Variants in MMS22L observed in about 807,000 individuals in gnomAD.
The protein encoded by MMS22L is MMS22 like, DNA repair protein, also known as protein MMS22-like.
MMS22L carries 74 observed loss-of-function variants against 159.1 expected under a neutral mutation model. The ratio of observed to expected loss-of-function variants is 0.47; its 90% CI spans 0.39 to 0.56. The LOEUF is 0.56. MMS22L is among the 20% of genes least tolerant of loss of function. The pLI, the probability that MMS22L is intolerant of heterozygous loss-of-function variation, is 0.00. For missense variants in MMS22L, 1,351 were observed against 1,422.1 expected (o/e 0.95, Z 0.80); for synonymous variants, 517 against 506.9 (o/e 1.02, Z -0.27).
chr6:97,167,858 T>C (rs141147420), intron 20 of MMS22L, among the ~76,000 whole-genome samples: 384 of 152,114 alleles, frequency 2.5e-3, no homozygotes, highest in Non-Finnish European at 4.0e-3. Flanking sequence ...TGTGCTCATC[T>C]ACCTCCTCTC....
At position 97,282,374 on chromosome 6, in the gene MMS22L, T is replaced by C. The variant is rs1816832074; in HGVS notation, c.104A>G (p.Asn35Ser). The change falls in exon 2 of 25, where the codon AAC becomes AGC. Residue 35 changes from asparagine (N) to serine (S), a missense_variant. Coordinates refer to ENST00000683635, the MANE Select transcript of MMS22L (RefSeq NM_001350599.2). ...AGAAAAATGTTTTCCTCCTCCTCTG[T>C]TGTCAACAGCACAAGAAAAGTAAGG... ...KPPYFSCAVD[N>S]RGGGKHFSGE... 3.7e-6 allele frequency: 6 copies of C among 1,613,930 alleles called. No homozygotes were observed. The highest frequency in any genetic ancestry group is 1.3e-5 in the African/African-American group (1 of 74,898).
intron 14 of MMS22L, among the ~76,000 whole-genome samples, chr6:97,196,975 A>T (rs1806591537): frequency 6.6e-6 from 1 of 152,160 alleles, no homozygotes; most frequent in African/African-American, 2.4e-5. Flanking sequence ...GCTACCCATA[A>T]GCTTCGGTGC....
At chr6:97,177,765 A>C (rs1014786346) in intron 18 of MMS22L, among the ~76,000 whole-genome samples, 4 of 152,188 alleles carry the variant, frequency 2.6e-5, no homozygotes, top group East Asian at 1.9e-4. Context: ...ATTTATGGAA[A>C]GAGCTTATTG....
chr6:97,188,448 G>A (rs770097308), intron 14 of MMS22L, among the ~76,000 whole-genome samples: 4 of 151,950 alleles, frequency 2.6e-5, no homozygotes, highest in South Asian at 2.1e-4. Context: ...TTTTAAAATC[G>A]GAACAACTCT....
intron 10 of MMS22L, among the ~76,000 whole-genome samples, chr6:97,250,642 A>G (rs1813142821): frequency 6.6e-6 from 1 of 152,174 alleles, no homozygotes; most frequent in Non-Finnish European, 1.5e-5. Flanking sequence ...GATTTTTCTT[A>G]CAGGCCTACA....
At chr6:97,195,077 A>T (rs956623544) in intron 14 of MMS22L, among the ~76,000 whole-genome samples, 15 of 152,254 alleles carry the variant, frequency 9.9e-5, no homozygotes, top group African/African-American at 3.6e-4. Context: ...AACTTTGTAC[A>T]ATAACATTGT....
chr6:97,222,800 G>A (rs376151200), intron 14 of MMS22L, among the ~76,000 whole-genome samples: 9 of 152,140 alleles, frequency 5.9e-5, no homozygotes, highest in Admixed American at 5.2e-4. Flanking sequence ...CCCGAAAATG[G>A]AGGTTTATAA....
intron 14 of MMS22L, among the ~76,000 whole-genome samples, chr6:97,189,278 A>G (rs1422229625): frequency 7.1e-6 from 1 of 141,120 alleles, no homozygotes. Flanking sequence ...AAAAAAAAAA[A>G]GCCGAGTGCA....
At position 97,168,177 on chromosome 6, in the gene MMS22L, C is replaced by A; in HGVS notation, c.2903G>T (p.Arg968Leu). 1 of 1,613,052 alleles carries A rather than the reference C, an allele frequency of 6.2e-7. No homozygotes were observed. The highest frequency in any genetic ancestry group is 8.5e-7 in the Non-Finnish European group (1 of 1,179,406). The change falls in exon 20 of 25, where the codon CGG (arginine) becomes CTG (leucine). Residue 968 changes from arginine (R) to leucine (L), a missense_variant. Arg to Leu is a moderately radical substitution (Grantham distance 102). Transcript: ENST00000683635. Reference protein sequence around the residue: ...ATSKAQKLLFRIIDCLLLPHA... With the variant: ...ATSKAQKLLFLIIDCLLLPHA... ...TGGCAGCAGTAAACAATCTATGATCCGGAATAGTAATTTTTGGGCTTTAGA... is the reference window on the plus strand; with the variant it reads ...TGGCAGCAGTAAACAATCTATGATCAGGAATAGTAATTTTTGGGCTTTAGA...
At position 97,229,016 on chromosome 6, in the gene MMS22L, A is replaced by C; in HGVS notation, c.1917T>G (p.Tyr639Ter). 1 of 1,614,132 alleles carries C rather than the reference A, an allele frequency of 6.2e-7. No homozygotes were observed. Among genetic ancestry groups the C allele is most frequent in the Non-Finnish European group, 8.5e-7 (1 of 1,180,000 alleles). ...DGVQEVFETSYCLYPSHEKLL... is the reference protein window; with the variant it reads ...DGVQEVFETS Reference sequence around the variant, plus strand: ...GTTTTTCATGGGAAGGATACAAGCAATAGCTGGTCTCAAACACTTCTTGAA... The same window carrying C: ...GTTTTTCATGGGAAGGATACAAGCACTAGCTGGTCTCAAACACTTCTTGAA... The change falls in exon 14 of 25, where the codon TAT becomes TAG. Residue 639 changes from tyrosine to a stop codon, truncating the protein, a stop_gained. Coordinates refer to ENST00000683635, the MANE Select transcript of MMS22L (RefSeq NM_001350599.2). LOFTEE classifies it high-confidence loss of function.
At chr6:97,163,737 T>C (rs1802680780) in intron 21 of MMS22L, among the ~76,000 whole-genome samples, 1 of 151,970 alleles carries the variant, frequency 6.6e-6, no homozygotes, top group African/African-American at 2.4e-5. Flanking sequence ...AAAGGAAACA[T>C]ACATGGTACA....
chr6:97,246,793 C>T, intron 10 of MMS22L, 103 bp from the exon 11 acceptor site: 1 of 696,084 alleles, frequency 1.4e-6, no homozygotes, highest in Non-Finnish European at 2.4e-6. Flanking sequence ...TTTCCTCTAT[C>T]ATTCAGCATC....
intron 9 of MMS22L, chr6:97,260,878 G>A (rs1014822697): frequency 6.6e-6 from 1 of 151,394 alleles, no homozygotes; most frequent in Non-Finnish European, 1.5e-5. Context: ...GGTGGGAGAG[G>A]GTATGAGTCC....
chr6:97,182,138 G>GT, intron 15 of MMS22L, 84 bp from the exon 16 acceptor site: 76 of 963,852 alleles, frequency 7.9e-5, no homozygotes, highest in Non-Finnish European at 9.1e-5. Context: ...ATTATAACAA[G>GT]TGTTTTTTTT....
rs905314699 is a variant in MMS22L at position 97,144,328 on chromosome 6, T to A, written c.*2478A>T. 2 of 152,162 alleles carry A rather than the reference T, an allele frequency of 1.3e-5. No individual in the cohort carries two copies. Among genetic ancestry groups the A allele is most frequent in the African/African-American group, 4.8e-5 (2 of 41,422 alleles). The allele number at this position is 152,162 out of a possible 1,614,324, so 9.4% of individuals were successfully genotyped here. A position where few individuals can be genotyped will look rare whatever the true frequency, so the allele number is the denominator to read the frequency against. On this transcript the variant is annotated 3_prime_UTR_variant, in exon 25 of 25. Coordinates refer to ENST00000683635, the MANE Select transcript of MMS22L (RefSeq NM_001350599.2). The stretch of plus-strand genomic sequence containing the variant: ...TCTGCACTTACTCAAGTCCTGCAGT[T>A]AACCCTGAGGAACCTGCCTCTACAA...
chr6:97,163,550 C>T (rs1802659222), intron 21 of MMS22L, among the ~76,000 whole-genome samples: 1 of 151,982 alleles, frequency 6.6e-6, no homozygotes, highest in Non-Finnish European at 1.5e-5. Context: ...GGGTTTTAAA[C>T]AGTTTTACAG....
intron 14 of MMS22L, among the ~76,000 whole-genome samples, chr6:97,214,802 C>T (rs1158929310): frequency 6.7e-6 from 1 of 148,152 alleles, no homozygotes; most frequent in Non-Finnish European, 1.5e-5. Context: ...GCATTTTTTA[C>T]TTTATATTTT....
In MMS22L at chr6:97,179,527, T is replaced by C. The variant is rs1046970698; in HGVS notation, c.2417A>G (p.Tyr806Cys). 1.9e-6 allele frequency: 3 copies of C among 1,612,096 alleles called. No homozygotes were observed. The highest frequency in any genetic ancestry group is 2.2e-5 in the East Asian group (1 of 44,780). Reference sequence around the variant, plus strand: ...TACGGTTAAGGCTTGAAAAGATACATAGCCTGAATGAGAAAGTGCTTCACA... The same window carrying C: ...TACGGTTAAGGCTTGAAAAGATACACAGCCTGAATGAGAAAGTGCTTCACA... ...TLCEALSHSG[Y>C]VSFQALTVRS... is the part of the protein sequence containing the mutation. The change falls in exon 17 of 25, where the codon TAT (tyrosine) becomes TGT (cysteine). Residue 806 changes from tyrosine (Y) to cysteine (C), a missense_variant. Tyr to Cys is a radical substitution (Grantham distance 194, BLOSUM62 -2). Transcript: ENST00000683635.
intron 14 of MMS22L, among the ~76,000 whole-genome samples, chr6:97,204,395 G>A (rs1807526628): frequency 6.6e-6 from 1 of 152,168 alleles, no homozygotes; most frequent in African/African-American, 2.4e-5. Context: ...ACACTGAAGA[G>A]GCAGGTATTA....
Sources: allele counts gnomAD v4.1 joint callset (sites outside exome capture counted in the v4.1 genomes callset), GRCh38; gene constraint gnomAD v4.1.1; transcripts MANE v1.5; gene names NCBI Gene and HGNC (gene_info 2026-07-23, HGNC 2026-07-21).